FNDC3B: variants seen among roughly 807,000 people sequenced by gnomAD.
The protein encoded by FNDC3B is fibronectin type III domain-containing protein 3B.
A neutral mutation model predicts 151.5 loss-of-function variants in FNDC3B; 12 were observed. The ratio of observed to expected loss-of-function variants is 0.08; its 90% CI spans 0.05 to 0.13. The LOEUF is 0.13. FNDC3B is among the 10% of genes least tolerant of loss of function. The probability of loss-of-function intolerance (pLI) is 1.00; values close to 1 mark genes in which losing one functional copy is unlikely to be tolerated. For missense variants in FNDC3B, 1,214 were observed against 1,505.3 expected (o/e 0.81, Z 3.20); for synonymous variants, 528 against 549.0 (o/e 0.96, Z 0.54).
chr3:172,132,842 C>T (rs1318229903), intron 2 of FNDC3B, among the ~76,000 whole-genome samples: 2 of 152,114 alleles, frequency 1.3e-5, no homozygotes, highest in African/African-American at 2.4e-5. Context: ...TATTACCACT[C>T]ATGGTCTAGT....
Position 172,385,048 on chromosome 3 carries a change from G to A in FNDC3B, c.3303+3955G>A, listed in dbSNP as rs145459448. On this transcript the variant is annotated intron_variant, in intron 25 of 25. Coordinates refer to ENST00000415807, the MANE Select transcript of FNDC3B (RefSeq NM_022763.4). ...GTCGTACATGAAAAGCCACAGTTGA[G>A]TCAGGGACAATTTGTACTGGTTTCT... Among the ~76,000 whole-genome samples the A allele has an allele frequency of 2.0e-4, 31 of 151,832 alleles. No individual in the cohort carries two copies. In the East Asian group the frequency reaches 4.4e-3, roughly 22 times the overall value.
chr3:172,090,966 A>G (rs189567608), intron 1 of FNDC3B, among the ~76,000 whole-genome samples: 8 of 152,352 alleles, frequency 5.3e-5, no homozygotes, highest in Non-Finnish European at 7.3e-5. Context: ...TATTATGTAT[A>G]TGCAGATATT....
intron 3 of FNDC3B, among the ~76,000 whole-genome samples, chr3:172,159,109 T>C (rs2108614395): frequency 6.6e-6 from 1 of 152,252 alleles, no homozygotes; most frequent in Admixed American, 6.5e-5. Flanking sequence ...TGAAACCCCC[T>C]CTCTACTAAA....
intron 22 of FNDC3B, among the ~76,000 whole-genome samples, chr3:172,355,515 T>G (rs1734051353): frequency 8.3e-6 from 1 of 120,942 alleles, no homozygotes; most frequent in South Asian, 3.4e-4. Context: ...TTAGAAAATC[T>G]AGGGGGGGGG....
chr3:172,229,862 G>A (rs1463763148), intron 4 of FNDC3B, among the ~76,000 whole-genome samples: 3 of 152,162 alleles, frequency 2.0e-5, no homozygotes, highest in Non-Finnish European at 4.4e-5. Flanking sequence ...GAAATGTTCT[G>A]AATGTGTATT....
chr3:172,344,290 T>G lies in FNDC3B; in HGVS notation c.2250+32T>G, dbSNP rs1301912420. On this transcript the variant is annotated intron_variant, in intron 19 of 25. Coordinates refer to ENST00000415807, the MANE Select transcript of FNDC3B (RefSeq NM_022763.4). ...ATAAGCCCATACACCATAACCAGAA[T>G]CAGAATGCATAATCAGAACCCAAAG... 2.7e-5 allele frequency: 42 copies of G among 1,566,370 alleles called. No homozygotes were observed. In the East Asian group the frequency reaches 8.6e-4, roughly 32 times the overall value.
At chr3:172,249,972 TATTC>T (rs1258153595) in intron 5 of FNDC3B, among the ~76,000 whole-genome samples, 1 of 148,268 alleles carries the variant, frequency 6.7e-6, no homozygotes, top group Non-Finnish European at 1.5e-5. Flanking sequence ...AAATTATTGA[TATTC>T]CTTCCTTTTC....
intron 6 of FNDC3B, among the ~76,000 whole-genome samples, chr3:172,254,160 A>G (rs1387521013): frequency 5.3e-5 from 8 of 152,248 alleles, no homozygotes; most frequent in African/African-American, 1.7e-4. Flanking sequence ...CCTGTGGTAA[A>G]ACTAAGCACA....
intron 1 of FNDC3B, among the ~76,000 whole-genome samples, chr3:172,074,375 C>G (rs190597714): frequency 6.6e-6 from 1 of 152,328 alleles, no homozygotes; most frequent in East Asian, 1.9e-4. Flanking sequence ...ATACATAGAG[C>G]AGCCATGTAT....
At chr3:172,084,357 C>T (rs942067939) in intron 1 of FNDC3B, among the ~76,000 whole-genome samples, 3 of 151,774 alleles carry the variant, frequency 2.0e-5, no homozygotes, top group Non-Finnish European at 4.4e-5. Flanking sequence ...AGGCAGAGGT[C>T]GGGGGATCAC....
At chr3:172,226,300 T>G (rs1294420359) in intron 3 of FNDC3B, among the ~76,000 whole-genome samples, 1 of 117,268 alleles carries the variant, frequency 8.5e-6, no homozygotes, top group Admixed American at 8.6e-5. Context: ...TGCGAAACTC[T>G]GTCTCAAAAA....
chr3:172,315,149 G>A (rs1036159663), intron 11 of FNDC3B, among the ~76,000 whole-genome samples: 33 of 152,312 alleles, frequency 2.2e-4, no homozygotes, highest in African/African-American at 7.7e-4. Flanking sequence ...GGCCCAGACG[G>A]GTGGATTGCC....
At chr3:172,100,565 A>C (rs1719332326) in intron 1 of FNDC3B, among the ~76,000 whole-genome samples, 1 of 152,228 alleles carries the variant, frequency 6.6e-6, no homozygotes, top group East Asian at 1.9e-4. Context: ...CTTTATATTA[A>C]AATTTTATCA....
At chr3:172,258,371 C>T (rs548399896) in intron 6 of FNDC3B, among the ~76,000 whole-genome samples, 2 of 152,086 alleles carry the variant, frequency 1.3e-5, no homozygotes, top group South Asian at 2.1e-4. Context: ...TCCTTATTAC[C>T]GGTTCTTTGT....
chr3:172,139,705 T>C lies in FNDC3B; in HGVS notation c.187+6159T>C, dbSNP rs574287351. 1.9e-4 allele frequency among the ~76,000 whole-genome samples: 29 copies of C among 152,246 alleles called. No homozygotes were observed. In the South Asian group the frequency reaches 5.6e-3, roughly 29 times the overall value. ...GTTTCTTCCTATTACAAGATTAGGA[T>C]TTTAGGAGCTTGTTTTCTACATAAG... is the stretch of plus-strand genomic sequence containing the variant. On this transcript the variant is annotated intron_variant, in intron 3 of 25. Coordinates refer to ENST00000415807, the MANE Select transcript of FNDC3B (RefSeq NM_022763.4).
Position 172,206,619 on chromosome 3 carries a change from A to G in FNDC3B, c.188-20252A>G, listed in dbSNP as rs527605447. Among the ~76,000 whole-genome samples, 17 of 132,880 alleles carry G rather than the reference A, an allele frequency of 1.3e-4. No homozygotes were observed. The Admixed American group carries it at 1.4e-3, about 11-fold the overall frequency. The allele number at this position is 132,880 out of a possible 152,430, so 87.2% of individuals were successfully genotyped here. Reference sequence around the variant, plus strand: ...TGTTGCAAGGAGCCGAGACTGCACCATTGCATTCCAGCCTGGGCAACAAGA... The same window carrying G: ...TGTTGCAAGGAGCCGAGACTGCACCGTTGCATTCCAGCCTGGGCAACAAGA... On this transcript the variant is annotated intron_variant, in intron 3 of 25. Transcript: ENST00000415807.
chr3:172,142,328 A>G (rs59605630), intron 3 of FNDC3B, among the ~76,000 whole-genome samples: 6,165 of 152,302 alleles, frequency 0.04, 429 homozygotes, highest in African/African-American at 0.14. Flanking sequence ...TAACACTTCA[A>G]AATAACATGT....
At chr3:172,041,407 CT>C (rs1716050016) in intron 1 of FNDC3B, among the ~76,000 whole-genome samples, 1 of 136,226 alleles carries the variant, frequency 7.3e-6, no homozygotes, top group African/African-American at 2.9e-5. Flanking sequence ...CTTTCTCCTT[CT>C]CTCTCCTTCC....
intron 3 of FNDC3B, among the ~76,000 whole-genome samples, chr3:172,224,326 G>A (rs1726441540): frequency 6.6e-6 from 1 of 152,154 alleles, no homozygotes; most frequent in African/African-American, 2.4e-5. Context: ...ATTAAATGGG[G>A]TCATGCAATG....
Sources: gnomAD v4.1 joint callset for allele counts (sites outside exome capture counted in the v4.1 genomes callset) on GRCh38, gnomAD v4.1.1 for gene constraint, MANE v1.5 for transcripts, NCBI Gene and HGNC (gene_info 2026-07-23, HGNC 2026-07-21) for gene names.